The following FBXL17 variants were observed in gnomAD, a reference collection of about 807,000 sequenced individuals.
FBXL17 encodes F-box/LRR-repeat protein 17.
In FBXL17, 22 loss-of-function variants were observed where a neutral mutation model predicts 66.2. That is an observed-to-expected ratio of 0.33 (90% CI 0.24 to 0.47). FBXL17 has a LOEUF of 0.47. Among genes scored for constraint, FBXL17 ranks in the 20% least tolerant of loss-of-function variants. The pLI, the probability that FBXL17 is intolerant of heterozygous loss-of-function variation, is 1.00. For missense variants in FBXL17, 878 were observed against 948.2 expected, an observed-to-expected ratio of 0.93 and a Z score of 0.97; for synonymous variants, 474 against 400.5, an observed-to-expected ratio of 1.18 and a Z score of -2.19.
intron 7 of FBXL17, among the ~76,000 whole-genome samples, chr5:107,983,246 A>G (rs1217162889): frequency 1.3e-5 from 2 of 152,140 alleles, no homozygotes; most frequent in Non-Finnish European, 2.9e-5. Context: ...GAGTCTCACT[A>G]CGTCGCAGGA....
At chr5:108,062,079 T>A (rs1219969017) in intron 6 of FBXL17, among the ~76,000 whole-genome samples, 4 of 151,976 alleles carry the variant, frequency 2.6e-5, no homozygotes, top group South Asian at 2.1e-4. Context: ...GCAGTCAGAA[T>A]AAATAAAATT....
chr5:108,158,254 A>G (rs1375994823), intron 6 of FBXL17, among the ~76,000 whole-genome samples: 1 of 152,188 alleles, frequency 6.6e-6, no homozygotes, highest in Non-Finnish European at 1.5e-5. Flanking sequence ...GTGTACAAAA[A>G]GTATATTCTC....
At chr5:108,099,973 A>C (rs1749538644) in intron 6 of FBXL17, among the ~76,000 whole-genome samples, 1 of 152,170 alleles carries the variant, frequency 6.6e-6, no homozygotes, top group African/African-American at 2.4e-5. Context: ...GTTTACTGCT[A>C]TGTATTCCAA....
At chr5:107,992,082 TATTA>T (rs1168280908) in intron 7 of FBXL17, among the ~76,000 whole-genome samples, 1 of 123,516 alleles carries the variant, frequency 8.1e-6, no homozygotes, top group Admixed American at 7.9e-5. Context: ...ACACATATCA[TATTA>T]ATTGTGTGTG....
chr5:107,870,471 C>T (rs1018466714), intron 8 of FBXL17, among the ~76,000 whole-genome samples: 4 of 152,172 alleles, frequency 2.6e-5, no homozygotes, highest in South Asian at 4.1e-4. Flanking sequence ...TCTGATCTTC[C>T]CAACAGCTAA....
At chr5:107,936,500 C>CA (rs1181368537) in intron 7 of FBXL17, among the ~76,000 whole-genome samples, 1 of 152,072 alleles carries the variant, frequency 6.6e-6, no homozygotes, top group Non-Finnish European at 1.5e-5. Flanking sequence ...TACCTTCTAG[C>CA]TAATTATTCT....
intron 6 of FBXL17, among the ~76,000 whole-genome samples, chr5:108,075,907 TTG>T (rs1334315108): frequency 6.6e-6 from 1 of 152,242 alleles, no homozygotes; most frequent in East Asian, 1.9e-4. Flanking sequence ...TGTTTACATA[TTG>T]TCTTTATGAT....
At chr5:108,353,893 T>C (rs780764457) in intron 3 of FBXL17, among the ~76,000 whole-genome samples, 3 of 152,342 alleles carry the variant, frequency 2.0e-5, no homozygotes, top group Non-Finnish European at 2.9e-5. Context: ...GGCCCATTTA[T>C]GAAAGTTGCA....
At chr5:108,142,493 C>T (rs1371532045) in intron 6 of FBXL17, among the ~76,000 whole-genome samples, 1 of 152,184 alleles carries the variant, frequency 6.6e-6, no homozygotes, top group African/African-American at 2.4e-5. Flanking sequence ...CAACTCAAAG[C>T]AGCAGTGCTC....
intron 7 of FBXL17, among the ~76,000 whole-genome samples, chr5:107,919,276 G>C (rs1233153751): frequency 6.6e-6 from 1 of 152,136 alleles, no homozygotes. Context: ...AGCATGTCCT[G>C]TTGGCTCCGC....
chr5:108,340,482 T>C (rs1458747217), intron 4 of FBXL17, among the ~76,000 whole-genome samples: 1 of 152,028 alleles, frequency 6.6e-6, no homozygotes, highest in African/African-American at 2.4e-5. Context: ...ACAGTAAGAA[T>C]GTACAAGTCA....
chr5:108,153,409 T>G (rs1751846632), intron 6 of FBXL17, among the ~76,000 whole-genome samples: 1 of 152,222 alleles, frequency 6.6e-6, no homozygotes, highest in African/African-American at 2.4e-5. Flanking sequence ...ATAAGCTACT[T>G]CTTTGAATTT....
At position 108,163,118 on chromosome 5, in the gene FBXL17, A is replaced by G. The variant is rs541806619; in HGVS notation, c.1745+22999T>C. On this transcript the variant is annotated intron_variant, in intron 6 of 8. Transcript: ENST00000542267. ...TAAATTTCCTACATAATAAATTCAAATGTGACAAGCATTTTCCTCTAACAT... is the reference window on the plus strand; with the variant it reads ...TAAATTTCCTACATAATAAATTCAAGTGTGACAAGCATTTTCCTCTAACAT... Among the ~76,000 whole-genome samples, 55 of 152,330 alleles carry G rather than the reference A, an allele frequency of 3.6e-4. 1 individual carries two copies. The highest frequency in any genetic ancestry group is 1.3e-3 in the African/African-American group (53 of 41,574).
intron 5 of FBXL17, among the ~76,000 whole-genome samples, chr5:108,217,189 G>C (rs1057382710): frequency 6.6e-6 from 1 of 151,876 alleles, no homozygotes; most frequent in Non-Finnish European, 1.5e-5. Flanking sequence ...CCCCACAGTG[G>C]ATACTCCCAT....
chr5:108,084,449 A>G (rs1009236045), intron 6 of FBXL17, among the ~76,000 whole-genome samples: 1 of 152,226 alleles, frequency 6.6e-6, no homozygotes, highest in Non-Finnish European at 1.5e-5. Flanking sequence ...CTCACCCAAA[A>G]TAAGTTTCAT....
intron 6 of FBXL17, among the ~76,000 whole-genome samples, chr5:108,093,778 C>T (rs1365430494): frequency 2.6e-5 from 4 of 152,142 alleles, no homozygotes; most frequent in Non-Finnish European, 5.9e-5. Flanking sequence ...AAATCTTTAA[C>T]TCAGCGGGGT....
chr5:108,306,897 T>A (rs1454531157), intron 4 of FBXL17, among the ~76,000 whole-genome samples: 2 of 152,154 alleles, frequency 1.3e-5, no homozygotes, highest in Non-Finnish European at 2.9e-5. Context: ...CACTAGCAAT[T>A]ACTCCATACT....
At chr5:108,199,501 C>G (rs113136774) in intron 5 of FBXL17, among the ~76,000 whole-genome samples, 11 of 152,292 alleles carry the variant, frequency 7.2e-5, no homozygotes, top group African/African-American at 2.6e-4. Context: ...CCAACCTATT[C>G]TTGGAATTCA....
At chr5:108,264,933 G>A (rs1756986691) in intron 4 of FBXL17, among the ~76,000 whole-genome samples, 1 of 151,514 alleles carries the variant, frequency 6.6e-6, no homozygotes, top group African/African-American at 2.4e-5. Flanking sequence ...TATAGTGACA[G>A]TTGATAGTTT....
Sources: gnomAD v4.1 joint callset for allele counts (sites outside exome capture counted in the v4.1 genomes callset) on GRCh38, gnomAD v4.1.1 for gene constraint, MANE v1.5 for transcripts, NCBI Gene and HGNC (gene_info 2026-07-23, HGNC 2026-07-21) for gene names.